ELP2: variants seen among roughly 807,000 people sequenced by gnomAD.
ELP2 encodes elongator complex protein 2.
Under a neutral mutation model 119.2 loss-of-function variants are expected in ELP2, and 90 were observed. The observed-to-expected ratio is 0.75, with a 90% CI of 0.64 to 0.90. The LOEUF is 0.90. Ranked by LOEUF, ELP2 falls within the 40% of genes least tolerant of loss-of-function variation. The probability of loss-of-function intolerance (pLI) is 0.00; values close to 1 mark genes in which losing one functional copy is unlikely to be tolerated. For synonymous variants in ELP2, 339 were observed against 331.0 expected (o/e 1.02, Z -0.26); for missense variants, 921 against 967.8 (o/e 0.95, Z 0.64).
At chr18:36,139,131 A>G (rs539643011) in intron 5 of ELP2, among the ~76,000 whole-genome samples, 1 of 152,340 alleles carries the variant, frequency 6.6e-6, no homozygotes, top group Non-Finnish European at 1.5e-5. Flanking sequence ...ACTGTTATCA[A>G]ATATACTGTG....
At chr18:36,136,536 C>G (rs2089832948) in intron 3 of ELP2, 159 bp downstream of exon 3, 3 of 668,930 alleles carry the variant, frequency 4.5e-6, no homozygotes, top group Middle Eastern at 4.1e-4. Context: ...TGACACCATG[C>G]CTGGCTGATT....
At chr18:36,172,882 G>A (rs997703051) in intron 21 of ELP2, among the ~76,000 whole-genome samples, 1 of 152,138 alleles carries the variant, frequency 6.6e-6, no homozygotes, top group African/African-American at 2.4e-5. Flanking sequence ...GAACTAATGC[G>A]TGACTTAACA....
chr18:36,164,411 T>C, intron 17 of ELP2, 64 bp from the exon 18 acceptor site: 1 of 1,467,794 alleles, frequency 6.8e-7, no homozygotes, highest in Non-Finnish European at 9.5e-7. Context: ...GTGTTGTTTT[T>C]AAAATGTTTT....
chr18:36,166,991 T>G, intron 18 of ELP2, 110 bp from the exon 19 acceptor site: 1 of 1,170,966 alleles, frequency 8.5e-7, no homozygotes, highest in Non-Finnish European at 1.2e-6. Flanking sequence ...TCAGTGCATA[T>G]AAATTGAATA....
At chr18:36,165,276 GA>G (rs200667879) in intron 18 of ELP2, 83 of 139,610 alleles carry the variant, frequency 5.9e-4, no homozygotes, top group Middle Eastern at 7.3e-3. Context: ...GGCATAAACT[GA>G]AAAAAAAAAA....
intron 17 of ELP2, among the ~76,000 whole-genome samples, chr18:36,162,286 T>C (rs1420136111): frequency 6.6e-6 from 1 of 152,198 alleles, no homozygotes; most frequent in Non-Finnish European, 1.5e-5. Context: ...TAGTTTACAT[T>C]TTCTAAAATT....
rs1281489327 is a variant in ELP2, at chr18:36,177,109, A to G, written c.*2468A>G. 1 of 152,214 alleles carries G rather than the reference A, an allele frequency of 6.6e-6. No individual in the cohort carries two copies. Among genetic ancestry groups the G allele is most frequent in the Non-Finnish European group, 1.5e-5 (1 of 68,050 alleles). 9.4% of individuals were successfully genotyped at this position (152,214 alleles called of 1,614,324 possible). On this transcript the variant is annotated 3_prime_UTR_variant, in exon 22 of 22. Transcript: ENST00000358232. ...TTTGAGGGAAGTTACTGTGGTCTGTAACTTATGAAATACATAAAAAATATG... is the reference window on the plus strand; with the variant it reads ...TTTGAGGGAAGTTACTGTGGTCTGTGACTTATGAAATACATAAAAAATATG...
chr18:36,139,415 A>G lies in ELP2; in HGVS notation c.523+543A>G, dbSNP rs778511759. ...TGAGTGAGTCAGCCTCTTTGCCTCC[A>G]CAGTTACCTGGAAGACTGGCCAGGT... On this transcript the variant is annotated intron_variant, in intron 5 of 21. Coordinates refer to ENST00000358232, the MANE Select transcript of ELP2 (RefSeq NM_018255.4). The G allele has an allele frequency of 4.4e-5, 67 of 1,535,098 alleles. 1 individual carries two copies. The South Asian group carries it at 7.0e-4, about 16-fold the overall frequency.
At position 36,160,340 on chromosome 18, in the gene ELP2, C is replaced by T. The variant is rs533724686; in HGVS notation, c.1688+325C>T. The stretch of plus-strand genomic sequence containing the variant: ...CTGTAATCATAGCACTTTGGGAGGC[C>T]GTAGCAGGAGGATCACTTGAGGCCA... On this transcript the variant is annotated intron_variant, in intron 16 of 21. Coordinates refer to ENST00000358232, the MANE Select transcript of ELP2 (RefSeq NM_018255.4). Among the ~76,000 whole-genome samples, 11 of 151,954 alleles carry T rather than the reference C, an allele frequency of 7.2e-5. No homozygotes were observed. In the South Asian group the frequency reaches 1.2e-3, roughly 17 times the overall value.
chr18:36,142,825 G>A lies in ELP2; in HGVS notation c.656-1G>A. 6.3e-7 allele frequency: 1 copy of A among 1,591,722 alleles called. No homozygotes were observed. Among genetic ancestry groups the A allele is most frequent in the Non-Finnish European group, 8.6e-7 (1 of 1,163,710 alleles). ...ATTAATACAACTTATTTTTTAATTA[G>A]GTAGAGATCTTTTCCTAGCAAGCTG... On this transcript the variant is annotated splice_acceptor_variant, in intron 7 of 21. Transcript: ENST00000358232. LOFTEE classifies it high-confidence loss of function.
At chr18:36,160,267 A>G (rs1384377028) in intron 16 of ELP2, among the ~76,000 whole-genome samples, 2 of 152,088 alleles carry the variant, frequency 1.3e-5, no homozygotes, top group Non-Finnish European at 2.9e-5. Context: ...ATAACAATAT[A>G]TATTTTTTCT....
intron 19 of ELP2, among the ~76,000 whole-genome samples, chr18:36,169,258 C>T (rs2091004317): frequency 6.6e-6 from 1 of 152,022 alleles, no homozygotes; most frequent in Non-Finnish European, 1.5e-5. Flanking sequence ...ATTCACACAT[C>T]CTTGAGGCAT....
chr18:36,156,370 T>C (rs2090571948), intron 12 of ELP2, 96 bp from the exon 13 acceptor site: 1 of 1,214,136 alleles, frequency 8.2e-7, no homozygotes, highest in African/African-American at 1.5e-5. Context: ...CCCATGGTTA[T>C]ATTTCCATTG....
Position 36,170,085 on chromosome 18 carries a change from A to G in ELP2, c.2099A>G (p.Asp700Gly). 2 of 1,613,870 alleles carry G rather than the reference A, an allele frequency of 1.2e-6. No individual in the cohort carries two copies. The highest frequency in any genetic ancestry group is 1.7e-6 in the Non-Finnish European group (2 of 1,179,934). Residue 700 changes from aspartate to glycine, a missense_variant, in exon 20 of 22, where the codon GAC (aspartate) becomes GGC (glycine). Physicochemically the swap from Asp to Gly is moderately conservative, Grantham distance 94 (BLOSUM62 -1). Transcript: ENST00000358232. ...DKKVVVWGECDSTDDCIEHNI... is the reference protein window; with the variant it reads ...DKKVVVWGECGSTDDCIEHNI... The stretch of plus-strand genomic sequence containing the variant: ...TAGGTGGTTGTCTGGGGTGAGTGCG[A>G]CTCCACTGATGACTGTATTGAGCAC...
intron 3 of ELP2, 32 bp downstream of exon 3, chr18:36,136,409 CTT>C (rs746491070): frequency 3.1e-5 from 47 of 1,534,422 alleles, no homozygotes; most frequent in Non-Finnish European, 4.2e-5. Flanking sequence ...CAAGAAATGA[CTT>C]TTTTTGTTCA....
intron 2 of ELP2, among the ~76,000 whole-genome samples, chr18:36,135,087 A>G (rs1205319600): frequency 1.3e-5 from 2 of 152,212 alleles, no homozygotes; most frequent in African/African-American, 4.8e-5. Flanking sequence ...CATAATTGCA[A>G]TTATATTAAT....
At chr18:36,160,390 C>G (rs2090698999) in intron 16 of ELP2, among the ~76,000 whole-genome samples, 1 of 151,920 alleles carries the variant, frequency 6.6e-6, no homozygotes, top group South Asian at 2.1e-4. Flanking sequence ...GCCTTGACAA[C>G]ATAGCGAGAC....
intron 3 of ELP2, among the ~76,000 whole-genome samples, chr18:36,137,017 TA>T (rs34231589): frequency 0.97 from 146,150 of 150,918 alleles, 70,855 homozygotes; most frequent in East Asian, 1. Flanking sequence ...ACAGACTTGT[TA>T]AAAAAAAAAA....
intron 19 of ELP2, among the ~76,000 whole-genome samples, chr18:36,168,166 C>T (rs757905370): frequency 1.3e-5 from 2 of 152,232 alleles, no homozygotes; most frequent in Non-Finnish European, 2.9e-5. Flanking sequence ...GTACAGATCA[C>T]TGAAGTGGAG....
Sources: allele counts gnomAD v4.1 joint callset (sites outside exome capture counted in the v4.1 genomes callset), GRCh38; gene constraint gnomAD v4.1.1; transcripts MANE v1.5; gene names NCBI Gene and HGNC (gene_info 2026-07-23, HGNC 2026-07-21).